OPA1: variants seen among roughly 807,000 people sequenced by gnomAD.
OPA1 encodes the protein dynamin-like GTPase OPA1, mitochondrial.
A neutral mutation model predicts 152.9 loss-of-function variants in OPA1; 59 were observed. The observed-to-expected ratio is 0.39, with a 90% confidence interval of 0.31 to 0.48. The LOEUF is 0.48. Ranked by LOEUF, OPA1 falls within the 20% of genes least tolerant of loss-of-function variation. The pLI is 0.96. For missense variants in OPA1, 1,008 were observed against 1,216.8 expected, an observed-to-expected ratio of 0.83 and a Z score of 2.55; for synonymous variants, 400 against 389.9, an observed-to-expected ratio of 1.03 and a Z score of -0.31.
At chr3:193,606,469 A>G (rs563503916) in intron 1 of OPA1, among the ~76,000 whole-genome samples, 35 of 126,266 alleles carry the variant, frequency 2.8e-4, no homozygotes, top group Admixed American at 5.2e-4. Flanking sequence ...TCCTGTGTCC[A>G]AGTGTTCTCA....
intron 1 of OPA1, among the ~76,000 whole-genome samples, chr3:193,602,017 A>G (rs972492521): frequency 6.6e-6 from 1 of 152,162 alleles, no homozygotes; most frequent in Non-Finnish European, 1.5e-5. Flanking sequence ...GGTCCCATGG[A>G]TTTTCATGTA....
At chr3:193,691,823 C>T in intron 29 of OPA1, 1 of 409,818 alleles carries the variant, frequency 2.4e-6, no homozygotes, top group Non-Finnish European at 4.5e-6. Flanking sequence ...GTTAAGAGTC[C>T]AGAGTTTTTG....
chr3:193,676,784 T>TC (rs1434341246), intron 29 of OPA1, among the ~76,000 whole-genome samples: 2 of 152,054 alleles, frequency 1.3e-5, no homozygotes, highest in Non-Finnish European at 2.9e-5. Context: ...ATCCAGACCA[T>TC]CCTGGCTAAC....
intron 25 of OPA1, among the ~76,000 whole-genome samples, chr3:193,662,108 CAT>C (rs1177164091): frequency 3.3e-5 from 5 of 151,992 alleles, no homozygotes; most frequent in African/African-American, 1.2e-4. Context: ...TTTCTTCTAT[CAT>C]ATACAATTTT....
intron 29 of OPA1, among the ~76,000 whole-genome samples, chr3:193,675,541 C>T (rs182843876): frequency 8.0e-4 from 121 of 152,050 alleles, no homozygotes; most frequent in Non-Finnish European, 1.3e-3. Flanking sequence ...TCTCTCACTG[C>T]GTCTCTTCTA....
chr3:193,640,852 GA>G (rs1267235352), intron 11 of OPA1, among the ~76,000 whole-genome samples: 1 of 152,182 alleles, frequency 6.6e-6, no homozygotes, highest in African/African-American at 2.4e-5. Context: ...GGCTGATGCT[GA>G]AATCTTCAAG....
intron 29 of OPA1, among the ~76,000 whole-genome samples, chr3:193,686,567 A>G (rs1720961937): frequency 6.6e-6 from 1 of 152,206 alleles, no homozygotes; most frequent in African/African-American, 2.4e-5. Flanking sequence ...TTTTAGCTAC[A>G]GTTTTGAGAA....
chr3:193,679,014 G>C (rs577540538), intron 29 of OPA1, among the ~76,000 whole-genome samples: 1 of 151,992 alleles, frequency 6.6e-6, no homozygotes, highest in Non-Finnish European at 1.5e-5. Flanking sequence ...TTCAGGACTA[G>C]AAAATACTTC....
At position 193,692,114 on chromosome 3, in the gene OPA1, A is replaced by G; in HGVS notation, c.3035A>G (p.His1012Arg). ...CTTGATGCTTTCATTGAAGCTCTTC[A>G]TCAGGAGAAATAAATTAAGTGAGTA... The part of the protein sequence containing the change: ...EKLDAFIEAL[H>R]QEK The change falls in exon 30 of 31, where the codon CAT becomes CGT. Residue 1012 changes from histidine (H) to arginine (R), a missense_variant. His to Arg is a conservative substitution (Grantham distance 29). Coordinates refer to ENST00000361510, the MANE Select transcript of OPA1 (RefSeq NM_130837.3). The G allele has an allele frequency of 1.3e-6, 2 of 1,537,926 alleles. No homozygotes were observed. The highest frequency in any genetic ancestry group is 8.9e-7 in the Non-Finnish European group (1 of 1,122,632).
chr3:193,657,309 CTT>C, intron 23 of OPA1, 77 bp downstream of exon 23: 3 of 1,293,368 alleles, frequency 2.3e-6, no homozygotes, highest in Non-Finnish European at 3.3e-6. Flanking sequence ...TCATAGGAGA[CTT>C]TATATGACTA....
At chr3:193,658,842 T>G in intron 23 of OPA1, 45 bp from the exon 24 acceptor site, 267 of 1,269,214 alleles carry the variant, frequency 2.1e-4, no homozygotes, top group Non-Finnish European at 2.8e-4. Context: ...ACTAAAATGA[T>G]GAGATGTAAA....
At chr3:193,643,348 T>G in intron 13 of OPA1, 25 bp from the exon 14 acceptor site, 1 of 1,557,334 alleles carries the variant, frequency 6.4e-7, no homozygotes, top group Non-Finnish European at 8.9e-7. Context: ...TTTAGCATTG[T>G]TTTATTTTTA....
At chr3:193,612,236 G>C (rs1728358888) in intron 1 of OPA1, among the ~76,000 whole-genome samples, 1 of 150,548 alleles carries the variant, frequency 6.6e-6, no homozygotes, top group South Asian at 2.1e-4. Flanking sequence ...GCTGATATAA[G>C]GTCTCACTTT....
At chr3:193,620,217 G>T (rs182864074) in intron 6 of OPA1, among the ~76,000 whole-genome samples, 150 of 152,308 alleles carry the variant, frequency 9.8e-4, no homozygotes, top group Admixed American at 1.7e-3. Context: ...TGGTAGTGTG[G>T]TTCTTTGAGT....
At chr3:193,624,792 G>A (rs1228747792) in intron 6 of OPA1, among the ~76,000 whole-genome samples, 2 of 152,096 alleles carry the variant, frequency 1.3e-5, no homozygotes, top group East Asian at 3.9e-4. Flanking sequence ...ACAGCCTAAT[G>A]TATCAAAACT....
chr3:193,644,032 C>T lies in OPA1; in HGVS notation c.1535C>T (p.Pro512Leu). 1 of 1,613,708 alleles carries T rather than the reference C, an allele frequency of 6.2e-7. No individual in the cohort carries two copies. The highest frequency in any genetic ancestry group is 8.5e-7 in the Non-Finnish European group (1 of 1,179,796). ...ACAGACTTGGTCAGTCAAATGGACC[C>T]TCATGGAAGGAGAACCATATTCGTT... ...IVTDLVSQMD[P>L]HGRRTIFVLT... Residue 512 changes from proline (P) to leucine (L), a missense_variant, in exon 16 of 31, where the codon CCT (proline) becomes CTT (leucine). Pro to Leu is a moderately conservative substitution (Grantham distance 98). This residue lies in a region of OPA1 where 213 missense variants were observed against 291.4 expected (regional missense o/e 0.73). Transcript: ENST00000361510.
chr3:193,677,576 A>C (rs1003314780), intron 29 of OPA1, among the ~76,000 whole-genome samples: 4 of 152,194 alleles, frequency 2.6e-5, no homozygotes, highest in African/African-American at 4.8e-5. Context: ...AGGAAATCTT[A>C]AGGGATTGGT....
In OPA1 at chr3:193,617,705, C is replaced by T. The variant is rs1729283956; in HGVS notation, c.557-79C>T. 3 of 1,062,300 alleles carry T rather than the reference C, an allele frequency of 2.8e-6. No individual in the cohort carries two copies. The South Asian group carries it at 3.8e-5, about 13-fold the overall frequency. 65.8% of individuals were successfully genotyped at this position (1,062,300 alleles called of 1,614,324 possible). Reference sequence around the variant, plus strand: ...TTATTGCCCTATCGTAATATGAAATCTGAGATCTCAGACATCTTTGTTTGC... The same window carrying T: ...TTATTGCCCTATCGTAATATGAAATTTGAGATCTCAGACATCTTTGTTTGC... On this transcript the variant is annotated intron_variant, in intron 4 of 30. Transcript: ENST00000361510.
At chr3:193,596,335 CCTTTTCTTTT>C (rs1387755590) in intron 1 of OPA1, among the ~76,000 whole-genome samples, 7 of 126,606 alleles carry the variant, frequency 5.5e-5, no homozygotes, top group African/African-American at 1.7e-4. Flanking sequence ...CCTTTCCTTT[CCTTTTCTTTT>C]CTTTTCTTTT....
Sources: allele counts gnomAD v4.1 joint callset (sites outside exome capture counted in the v4.1 genomes callset), GRCh38; gene constraint gnomAD v4.1.1; regional missense constraint gnomAD v4.1.1; transcripts MANE v1.5; gene names NCBI Gene and HGNC (gene_info 2026-07-23, HGNC 2026-07-21).